RHOT1: variants seen among roughly 807,000 people sequenced by gnomAD.
RHOT1 encodes the protein ras homolog family member T1, also known as mitochondrial Rho GTPase 1.
Under a neutral mutation model 95.3 loss-of-function variants are expected in RHOT1, and 27 were observed. That is an observed-to-expected ratio of 0.28 (90% confidence interval 0.21 to 0.39). RHOT1 has a LOEUF of 0.39. Among genes scored for constraint, RHOT1 ranks in the 10% least tolerant of loss-of-function variants. The pLI, the probability that RHOT1 is intolerant of heterozygous loss-of-function variation, is 1.00. For synonymous variants in RHOT1, 227 were observed against 263.5 expected (o/e 0.86, Z 1.34); for missense variants, 578 against 786.7 (o/e 0.73, Z 3.17).
At chr17:32,220,543 G>A (rs1273867991) in intron 19 of RHOT1, among the ~76,000 whole-genome samples, 1 of 151,916 alleles carries the variant, frequency 6.6e-6, no homozygotes, top group East Asian at 1.9e-4. Flanking sequence ...CATAGAAAAA[G>A]TCTAAAAGGG....
chr17:32,211,944 G>T (rs2038164016), intron 19 of RHOT1, among the ~76,000 whole-genome samples: 1 of 152,048 alleles, frequency 6.6e-6, no homozygotes, highest in Non-Finnish European at 1.5e-5. Context: ...TTCCCTCAAA[G>T]CAATAATCTT....
intron 13 of RHOT1, among the ~76,000 whole-genome samples, chr17:32,200,575 A>G (rs545429656): frequency 6.6e-6 from 1 of 152,222 alleles, no homozygotes; most frequent in South Asian, 2.1e-4. Context: ...CCTAAGCAAC[A>G]TGGCGAAACC....
chr17:32,216,954 A>C lies in RHOT1; in HGVS notation c.1862+5716A>C, dbSNP rs115148861. Among the ~76,000 whole-genome samples, 525 of 152,300 alleles carry C rather than the reference A, an allele frequency of 3.4e-3. 4 individuals are homozygous for C. The highest frequency in any genetic ancestry group is 0.012 in the African/African-American group (488 of 41,564). On this transcript the variant is annotated intron_variant, in intron 19 of 19. Coordinates refer to ENST00000545287, the MANE Select transcript of RHOT1 (RefSeq NM_001033566.3). ...TAAGACTGTTTGTGAATTTGTATAC[A>C]TAGTCATATATTTAAAGTTATACAA...
At chr17:32,222,162 G>C (rs2142972338) in intron 19 of RHOT1, among the ~76,000 whole-genome samples, 1 of 152,316 alleles carries the variant, frequency 6.6e-6, no homozygotes, top group South Asian at 2.1e-4. Context: ...CAAAGATGAA[G>C]AGAAACCTCT....
At chr17:32,193,779 G>A (rs749703395) in intron 10 of RHOT1, among the ~76,000 whole-genome samples, 1 of 152,140 alleles carries the variant, frequency 6.6e-6, no homozygotes, top group African/African-American at 2.4e-5. Flanking sequence ...TTCCTCTAGT[G>A]CTCTCTCTTG....
At chr17:32,207,198 G>A in intron 17 of RHOT1, 169 bp downstream of exon 17, 1 of 600,606 alleles carries the variant, frequency 1.7e-6, no homozygotes, top group Non-Finnish European at 2.7e-6. Flanking sequence ...TAAAGTGGTA[G>A]AGTCTCAGAC....
chr17:32,204,751 G>A (rs1436989668), intron 16 of RHOT1, among the ~76,000 whole-genome samples: 1 of 151,954 alleles, frequency 6.6e-6, no homozygotes, highest in African/African-American at 2.4e-5. Context: ...ACTTTGGGAG[G>A]CTGAGTCAGG....
In RHOT1 at chr17:32,142,684, GC is replaced by G; in HGVS notation, c.-7del. On this transcript the variant is annotated 5_prime_UTR_variant, in exon 1 of 20. Coordinates refer to ENST00000545287, the MANE Select transcript of RHOT1 (RefSeq NM_001033566.3). ...TGCGGGCGGAGGCCGGCCCCCGAGA[GC>G]CGCCGACATGAAGAAAGACGTGCGG... The G allele has an allele frequency of 6.5e-7, 1 of 1,530,376 alleles. No individual in the cohort carries two copies. Among genetic ancestry groups the G allele is most frequent in the Non-Finnish European group, 8.8e-7 (1 of 1,139,792 alleles). The allele number at this position is 1,530,376 out of a possible 1,614,324, so 94.8% of individuals were successfully genotyped here.
intron 1 of RHOT1, among the ~76,000 whole-genome samples, chr17:32,161,747 T>TA (rs2033578111): frequency 6.6e-6 from 1 of 152,176 alleles, no homozygotes; most frequent in Non-Finnish European, 1.5e-5. Context: ...CACCACCAGT[T>TA]AAAGAGCAAG....
intron 1 of RHOT1, among the ~76,000 whole-genome samples, chr17:32,165,625 A>G (rs1023702097): frequency 1.3e-5 from 2 of 152,122 alleles, no homozygotes; most frequent in South Asian, 2.1e-4. Context: ...GGTTTTTTCT[A>G]TGCACATACA....
chr17:32,179,601 C>A (rs564054803), intron 6 of RHOT1: 7 of 148,752 alleles, frequency 4.7e-5, no homozygotes, highest in Non-Finnish European at 7.2e-5. Context: ...CCGGCCACCC[C>A]GTCTGGGAAG....
chr17:32,190,188 G>A (rs924874729), intron 8 of RHOT1, among the ~76,000 whole-genome samples: 13 of 152,066 alleles, frequency 8.5e-5, no homozygotes, highest in South Asian at 2.1e-4. Flanking sequence ...GGGCGCAATG[G>A]ATCATGCCTG....
intron 1 of RHOT1, among the ~76,000 whole-genome samples, chr17:32,154,752 G>A (rs556256850): frequency 5.3e-5 from 8 of 150,882 alleles, no homozygotes; most frequent in African/African-American, 1.9e-4. Flanking sequence ...AAAATTAGCC[G>A]GGCATGGTGG....
In RHOT1 at chr17:32,194,120, GT is replaced by G. The variant is rs759231830; in HGVS notation, c.869+21del. 12 of 1,605,076 alleles carry G rather than the reference GT, an allele frequency of 7.5e-6. No homozygotes were observed. Among genetic ancestry groups the G allele is most frequent in the African/African-American group, 4.0e-5 (3 of 74,136 alleles). ...ATTTGTTCCCCCTGTATGTACCTTT[GT>G]TTTTTTTGTTGTTGTTGTTGTTTAA... is the stretch of plus-strand genomic sequence containing the variant. On this transcript the variant is annotated intron_variant, in intron 11 of 19. Transcript: ENST00000545287.
chr17:32,193,044 G>A, intron 9 of RHOT1, 92 bp from the exon 10 acceptor site: 2 of 741,120 alleles, frequency 2.7e-6, no homozygotes, highest in Non-Finnish European at 4.5e-6. Flanking sequence ...TGCAATTCAT[G>A]GATTTAATAT....
At position 32,175,329 on chromosome 17, in the gene RHOT1, G is replaced by T. The variant is rs1207558983; in HGVS notation, c.189G>T (p.Gln63His). 1 of 1,613,672 alleles carries T rather than the reference G, an allele frequency of 6.2e-7. No individual in the cohort carries two copies. Among genetic ancestry groups the T allele is most frequent in the African/African-American group, 1.3e-5 (1 of 74,916 alleles). Residue 63 changes from glutamine (Q) to histidine (H), a missense_variant, in exon 4 of 20, where the codon CAG (glutamine) becomes CAT (histidine). Coordinates refer to ENST00000545287, the MANE Select transcript of RHOT1 (RefSeq NM_001033566.3). ...THIVDYSEAEQSDEQLHQEIS... is the reference protein window; with the variant it reads ...THIVDYSEAEHSDEQLHQEIS... Reference sequence around the variant, plus strand: ...TCCTGTCATTTGTAGAAGCAGAACAGAGTGATGAACAACTTCATCAAGAAA... The same window carrying T: ...TCCTGTCATTTGTAGAAGCAGAACATAGTGATGAACAACTTCATCAAGAAA...
chr17:32,209,541 AAT>A (rs2037984468), intron 18 of RHOT1: 1 of 729,166 alleles, frequency 1.4e-6, no homozygotes, highest in Non-Finnish European at 2.3e-6. Flanking sequence ...AACATTTAGT[AAT>A]TATGTAGAAA....
chr17:32,166,081 G>C (rs1040477377), intron 1 of RHOT1, among the ~76,000 whole-genome samples: 1 of 151,402 alleles, frequency 6.6e-6, no homozygotes, highest in African/African-American at 2.4e-5. Flanking sequence ...TCAGCCACTC[G>C]AGTGGCTGAG....
At chr17:32,206,188 G>T (rs1290255237) in intron 16 of RHOT1, among the ~76,000 whole-genome samples, 1 of 123,462 alleles carries the variant, frequency 8.1e-6, no homozygotes, top group Non-Finnish European at 1.6e-5. Context: ...AGCTTCCATA[G>T]AATCTTTTTT....
Sources: allele counts gnomAD v4.1 joint callset (sites outside exome capture counted in the v4.1 genomes callset), GRCh38; gene constraint gnomAD v4.1.1; transcripts MANE v1.5; gene names NCBI Gene and HGNC (gene_info 2026-07-23, HGNC 2026-07-21).